The following ADAMTSL1 variants were observed in gnomAD, a reference collection of about 807,000 sequenced individuals.
The protein encoded by ADAMTSL1 is ADAMTS like 1, also known as ADAMTS-like protein 1.
ADAMTSL1 carries 126 observed loss-of-function variants against 201.8 expected under a neutral mutation model. The observed-to-expected ratio is 0.62, with a 90% CI of 0.54 to 0.72. ADAMTSL1 has a LOEUF of 0.72. ADAMTSL1 is among the 30% of genes least tolerant of loss of function. The pLI is 0.00. For missense variants in ADAMTSL1, 2,679 were observed against 2,277.8 expected (o/e 1.18, Z -3.59); for synonymous variants, 1,121 against 903.4 (o/e 1.24, Z -4.32).
chr9:18,558,615 C>A (rs1235943925), intron 3 of ADAMTSL1, among the ~76,000 whole-genome samples: 1 of 152,210 alleles, frequency 6.6e-6, no homozygotes, highest in African/African-American at 2.4e-5. Context: ...AACTAACTTA[C>A]ACTTCCATCA....
chr9:18,889,977 G>GGTTTCACCCCACTAATGGCCAA (rs1563892302), intron 25 of ADAMTSL1, among the ~76,000 whole-genome samples: 1 of 151,798 alleles, frequency 6.6e-6, no homozygotes, highest in African/African-American at 2.4e-5. Flanking sequence ...CTAATGGCCA[G>GGTTTCACCCCACTAATGGCCAA]CCAGGTTTCC....
At chr9:18,590,901 T>C (rs2132476239) in intron 4 of ADAMTSL1, among the ~76,000 whole-genome samples, 1 of 152,316 alleles carries the variant, frequency 6.6e-6, no homozygotes, top group Admixed American at 6.5e-5. Flanking sequence ...ATACTTGATA[T>C]AATTTGAATA....
At chr9:18,860,137 G>C (rs1827119158) in intron 23 of ADAMTSL1, among the ~76,000 whole-genome samples, 1 of 152,182 alleles carries the variant, frequency 6.6e-6, no homozygotes, top group African/African-American at 2.4e-5. Flanking sequence ...ACATGCATTG[G>C]TATTTTTTAA....
chr9:18,522,438 A>T (rs553255809), intron 2 of ADAMTSL1, among the ~76,000 whole-genome samples: 1 of 151,976 alleles, frequency 6.6e-6, no homozygotes, highest in South Asian at 2.1e-4. Flanking sequence ...GGAATGTAGA[A>T]TTTTTATTTT....
chr9:18,665,532 T>C (rs1464754886), intron 9 of ADAMTSL1, among the ~76,000 whole-genome samples: 3 of 152,134 alleles, frequency 2.0e-5, no homozygotes, highest in Non-Finnish European at 4.4e-5. Context: ...CCTAAATACA[T>C]GAACAACTTC....
chr9:18,261,798 A>G (rs1831935417), intron 2 of ADAMTSL1, among the ~76,000 whole-genome samples: 1 of 152,188 alleles, frequency 6.6e-6, no homozygotes. Flanking sequence ...CGCATATCAT[A>G]TGTGTTTTCT....
At chr9:18,381,832 C>T (rs553745528) in intron 2 of ADAMTSL1, among the ~76,000 whole-genome samples, 1 of 151,866 alleles carries the variant, frequency 6.6e-6, no homozygotes, top group African/African-American at 2.4e-5. Context: ...TGAACTATCT[C>T]ACCGTCATCA....
At chr9:18,763,370 T>C (rs749791553) in intron 16 of ADAMTSL1, among the ~76,000 whole-genome samples, 2 of 152,190 alleles carry the variant, frequency 1.3e-5, no homozygotes. Flanking sequence ...CCTACAGAGT[T>C]GTTTGAGCTC....
intron 15 of ADAMTSL1, among the ~76,000 whole-genome samples, chr9:18,748,960 G>A (rs1056326028): frequency 6.6e-6 from 1 of 152,142 alleles, no homozygotes; most frequent in Non-Finnish European, 1.5e-5. Context: ...GGTGGCTCCC[G>A]GCACTCTTCG....
rs77188629 is a variant in ADAMTSL1, at chr9:18,847,268, T to C, written c.4249+17291T>C. ...GTAATTGGGGTGGGGGTAGGGGGCA[T>C]TTAACAGAGGAACTGCTCAAGCTCA... On this transcript the variant is annotated intron_variant, in intron 23 of 28. Transcript: ENST00000380548. Among the ~76,000 whole-genome samples, 5 of 152,166 alleles carry C rather than the reference T, an allele frequency of 3.3e-5. No homozygotes were observed. In the East Asian group the frequency reaches 9.7e-4, roughly 29 times the overall value.
intron 2 of ADAMTSL1, among the ~76,000 whole-genome samples, chr9:18,506,649 A>G (rs36035302): frequency 0.12 from 18,949 of 152,256 alleles, 1,628 homozygotes; most frequent in Non-Finnish European, 0.19. Flanking sequence ...TTAGGGCTCT[A>G]TTATGATACT....
intron 16 of ADAMTSL1, among the ~76,000 whole-genome samples, chr9:18,755,476 T>G (rs1819698967): frequency 1.3e-5 from 2 of 152,226 alleles, no homozygotes; most frequent in Non-Finnish European, 2.9e-5. Context: ...CTTCCTGATA[T>G]GTTTTTTATG....
chr9:18,845,766 T>G (rs928022962), intron 23 of ADAMTSL1, among the ~76,000 whole-genome samples: 1 of 152,256 alleles, frequency 6.6e-6, no homozygotes, highest in African/African-American at 2.4e-5. Context: ...AATTACTTCT[T>G]TCTCCAACAC....
intron 2 of ADAMTSL1, among the ~76,000 whole-genome samples, chr9:18,246,844 A>G (rs1391150962): frequency 2.0e-5 from 3 of 152,204 alleles, no homozygotes; most frequent in Admixed American, 6.5e-5. Context: ...TTCAGAAAGA[A>G]TGGGCATTTC....
At chr9:17,986,858 A>G (rs752382735) in intron 1 of ADAMTSL1, among the ~76,000 whole-genome samples, 7 of 152,134 alleles carry the variant, frequency 4.6e-5, no homozygotes, top group East Asian at 3.8e-4. Context: ...ATTTGACACT[A>G]GCACAGTTGG....
At chr9:18,018,077 T>C (rs191549587) in intron 1 of ADAMTSL1, among the ~76,000 whole-genome samples, 5 of 152,186 alleles carry the variant, frequency 3.3e-5, no homozygotes, top group African/African-American at 1.2e-4. Flanking sequence ...TTTCAAAGCA[T>C]TGTAAAAAGA....
chr9:18,593,838 G>A (rs10963657), intron 4 of ADAMTSL1, among the ~76,000 whole-genome samples: 32,156 of 151,784 alleles, frequency 0.21, 3,845 homozygotes, highest in African/African-American at 0.33. Context: ...CATATGGGCT[G>A]TCCTTGAGAA....
At chr9:18,864,410 T>G (rs1563869378) in intron 23 of ADAMTSL1, among the ~76,000 whole-genome samples, 1 of 152,210 alleles carries the variant, frequency 6.6e-6, no homozygotes, top group Admixed American at 6.5e-5. Context: ...ATGCCTGAGC[T>G]GGCTTGATCT....
intron 1 of ADAMTSL1, among the ~76,000 whole-genome samples, chr9:17,908,515 G>C (rs1214967823): frequency 6.6e-6 from 1 of 151,936 alleles, no homozygotes; most frequent in Non-Finnish European, 1.5e-5. Flanking sequence ...GGAGTGCAGT[G>C]GTGTGACCTC....
Sources: allele counts gnomAD v4.1 joint callset (sites outside exome capture counted in the v4.1 genomes callset), GRCh38; gene constraint gnomAD v4.1.1; transcripts MANE v1.5; gene names NCBI Gene and HGNC (gene_info 2026-07-23, HGNC 2026-07-21).